MTHFD1: variants seen among roughly 807,000 people sequenced by gnomAD.
The protein encoded by MTHFD1 is methylenetetrahydrofolate dehydrogenase, cyclohydrolase and formyltetrahydrofolate synthetase 1, also known as C-1-tetrahydrofolate synthase, cytoplasmic.
MTHFD1 carries 44 observed loss-of-function variants against 110.3 expected under a neutral mutation model. That is an observed-to-expected ratio of 0.40 (90% CI 0.31 to 0.51). The LOEUF (loss-of-function observed/expected upper bound fraction) is 0.51. Among genes scored for constraint, MTHFD1 ranks in the 20% least tolerant of loss-of-function variants. The pLI, the probability that MTHFD1 is intolerant of heterozygous loss-of-function variation, is 0.60. For missense variants in MTHFD1, 909 were observed against 1,173.1 expected, an observed-to-expected ratio of 0.77 and a Z score of 3.29; for synonymous variants, 402 against 428.8, an observed-to-expected ratio of 0.94 and a Z score of 0.77.
intron 24 of MTHFD1, 66 bp from the exon 25 acceptor site, chr14:64,453,688 A>G: frequency 1.1e-6 from 1 of 929,122 alleles, no homozygotes; most frequent in Non-Finnish European, 1.8e-6. Context: ...GAATGTGGCT[A>G]TGTCCTGGTT....
At chr14:64,402,829 A>T (rs1405643395) in intron 2 of MTHFD1, among the ~76,000 whole-genome samples, 1 of 152,074 alleles carries the variant, frequency 6.6e-6, no homozygotes, top group African/African-American at 2.4e-5. Context: ...AAATAAAAAT[A>T]AAAAAGCACT....
intron 2 of MTHFD1, among the ~76,000 whole-genome samples, chr14:64,404,840 G>A (rs1182875097): frequency 6.6e-6 from 1 of 152,038 alleles, no homozygotes; most frequent in Non-Finnish European, 1.5e-5. Flanking sequence ...GTGTGGTGGT[G>A]CACACCTGTG....
At chr14:64,425,119 T>C (rs2078108584) in intron 9 of MTHFD1, among the ~76,000 whole-genome samples, 188 bp downstream of exon 9, 1 of 152,060 alleles carries the variant, frequency 6.6e-6, no homozygotes, top group African/African-American at 2.4e-5. Flanking sequence ...GATGGCATAA[T>C]TCCAGTCTGT....
chr14:64,404,575 T>C (rs1466135635), intron 2 of MTHFD1, among the ~76,000 whole-genome samples: 1 of 152,152 alleles, frequency 6.6e-6, no homozygotes, highest in Non-Finnish European at 1.5e-5. Flanking sequence ...CCCATCAGAG[T>C]TTCACCCAAG....
chr14:64,427,181 A>G (rs2078125301), intron 11 of MTHFD1, among the ~76,000 whole-genome samples, 156 bp from the exon 12 acceptor site: 1 of 151,956 alleles, frequency 6.6e-6, no homozygotes, highest in Non-Finnish European at 1.5e-5. Context: ...TCAGCCTCCT[A>G]TATAGCTGGG....
chr14:64,429,725 TAATCCAAGTAGCCCAAAAAA>T (rs1190261467), intron 12 of MTHFD1, among the ~76,000 whole-genome samples: 1 of 152,168 alleles, frequency 6.6e-6, no homozygotes, highest in African/African-American at 2.4e-5. Flanking sequence ...ACTCAACCTG[TAATCCAAGTAGCCCAAAAAA>T]ATCTAGCAAT....
intron 4 of MTHFD1, among the ~76,000 whole-genome samples, chr14:64,412,892 C>CGGGATTACAGG (rs2077995598): frequency 6.6e-6 from 1 of 151,334 alleles, no homozygotes; most frequent in Non-Finnish European, 1.5e-5. Flanking sequence ...CCCGCCTTGG[C>CGGGATTACAGG]CTCCCAAAGT....
chr14:64,424,405 C>T (rs1012897536), intron 8 of MTHFD1, among the ~76,000 whole-genome samples: 4 of 152,174 alleles, frequency 2.6e-5, no homozygotes, highest in African/African-American at 4.8e-5. Flanking sequence ...GCTGTAGAAA[C>T]GATATCTGGC....
At chr14:64,400,691 TAAAC>T (rs765845843) in intron 1 of MTHFD1, 98 bp from the exon 2 acceptor site, 73 of 821,436 alleles carry the variant, frequency 8.9e-5, no homozygotes, top group Non-Finnish European at 1.3e-4. Context: ...CCTGTGTTAA[TAAAC>T]AAACAAACAA....
intron 21 of MTHFD1, among the ~76,000 whole-genome samples, chr14:64,442,846 G>A (rs575472761): frequency 3.9e-5 from 6 of 152,216 alleles, no homozygotes; most frequent in African/African-American, 1.4e-4. Flanking sequence ...CCCTAGGGAG[G>A]GAGTGGGGGA....
At chr14:64,456,138 G>A (rs2078469565) in intron 26 of MTHFD1, among the ~76,000 whole-genome samples, 1 of 152,224 alleles carries the variant, frequency 6.6e-6, no homozygotes, top group South Asian at 2.1e-4. Context: ...AACAGTAGAG[G>A]TGAAAGCAAA....
At chr14:64,401,179 T>A (rs944888336) in intron 2 of MTHFD1, among the ~76,000 whole-genome samples, 1 of 152,136 alleles carries the variant, frequency 6.6e-6, no homozygotes, top group African/African-American at 2.4e-5. Context: ...TATTTACTTT[T>A]GAGAGACAAG....
chr14:64,434,343 C>T (rs538573014), intron 15 of MTHFD1, among the ~76,000 whole-genome samples: 1 of 152,030 alleles, frequency 6.6e-6, no homozygotes, highest in South Asian at 2.1e-4. Context: ...TTGAGCCCAG[C>T]AGTTCGAGAC....
At chr14:64,413,259 G>A (rs2077998831) in intron 4 of MTHFD1, among the ~76,000 whole-genome samples, 1 of 152,138 alleles carries the variant, frequency 6.6e-6, no homozygotes, top group African/African-American at 2.4e-5. Flanking sequence ...GGTTGAGGCA[G>A]GAGAATCACT....
At chr14:64,418,450 C>A (rs367838410) in intron 7 of MTHFD1, among the ~76,000 whole-genome samples, 605 of 131,350 alleles carry the variant, frequency 4.6e-3, no homozygotes, top group South Asian at 6.1e-3. Context: ...GACCCTGTCT[C>A]AAAAAAAAAA....
chr14:64,452,385 A>G lies in MTHFD1; in HGVS notation c.2458-1369A>G, dbSNP rs1208723772. On this transcript the variant is annotated intron_variant, in intron 24 of 27. Transcript: ENST00000652337. ...CCTAATTTTTGTAATTTGCTCATCC[A>G]AATTACCCATGAGTAGCTTTGCTTC... Among the ~76,000 whole-genome samples the G allele has an allele frequency of 2.0e-5, 3 of 152,224 alleles. No individual in the cohort carries two copies. The East Asian group carries it at 5.8e-4, about 29-fold the overall frequency.
At chr14:64,421,253 T>C (rs2078068011) in intron 8 of MTHFD1, among the ~76,000 whole-genome samples, 1 of 152,216 alleles carries the variant, frequency 6.6e-6, no homozygotes, top group Admixed American at 6.5e-5. Flanking sequence ...CCTGCCTAGA[T>C]AGCTCCTCAA....
At chr14:64,453,696 G>A (rs2078416758) in intron 24 of MTHFD1, 58 bp from the exon 25 acceptor site, 1 of 1,057,234 alleles carries the variant, frequency 9.5e-7, no homozygotes, top group East Asian at 2.5e-5. Flanking sequence ...CTATGTCCTG[G>A]TTAAATGTCC....
intron 16 of MTHFD1, 73 bp downstream of exon 16, chr14:64,435,744 A>T (rs182362258): frequency 2.7e-4 from 243 of 900,222 alleles, no homozygotes; most frequent in Admixed American, 6.0e-4. Flanking sequence ...AAGAGTTGTT[A>T]AAATGTGAGG....
Sources: gnomAD v4.1 joint callset for allele counts (sites outside exome capture counted in the v4.1 genomes callset) on GRCh38, gnomAD v4.1.1 for gene constraint, MANE v1.5 for transcripts, NCBI Gene and HGNC (gene_info 2026-07-23, HGNC 2026-07-21) for gene names.